The following PALLD variants were observed in gnomAD, a reference collection of about 807,000 sequenced individuals.
PALLD encodes palladin, cytoskeletal associated protein.
A neutral mutation model predicts 123.5 loss-of-function variants in PALLD; 61 were observed. The observed-to-expected ratio is 0.49, with a 90% confidence interval of 0.40 to 0.61. The LOEUF (loss-of-function observed/expected upper bound fraction) is 0.61. Ranked by LOEUF, PALLD falls within the 20% of genes least tolerant of loss-of-function variation. The pLI is 0.00. For synonymous variants in PALLD, 465 were observed against 496.4 expected (o/e 0.94, Z 0.84); for missense variants, 1,273 against 1,377.0 (o/e 0.92, Z 1.20).
intron 2 of PALLD, among the ~76,000 whole-genome samples, chr4:168,586,153 TAA>T (rs35474736): frequency 0.18 from 13,850 of 74,946 alleles, 669 homozygotes; most frequent in East Asian, 0.34. Context: ...TCAAGAGACC[TAA>T]AAAAAAAAAA....
intron 10 of PALLD, among the ~76,000 whole-genome samples, chr4:168,797,469 C>T (rs1017721601): frequency 1.3e-5 from 2 of 152,064 alleles, no homozygotes; most frequent in Non-Finnish European, 2.9e-5. Context: ...TCAGATCACC[C>T]TCAATTACAT....
chr4:168,652,463 T>A (rs189093661), intron 2 of PALLD, among the ~76,000 whole-genome samples: 16 of 152,346 alleles, frequency 1.1e-4, no homozygotes, highest in African/African-American at 3.4e-4. Flanking sequence ...AACACATTTT[T>A]ATTTTTTTAT....
At chr4:168,761,659 TTTTTTTTTTTTTTTTTTGTAGTTTTTTG>T (rs1732928316) in intron 10 of PALLD, among the ~76,000 whole-genome samples, 1 of 42,132 alleles carries the variant, frequency 2.4e-5, no homozygotes, top group Non-Finnish European at 5.6e-5. Flanking sequence ...TTTTTTTTTT[TTTTTTTTTTTTTTTTTTGTAGTTTTTTG>T]TTTTGGTAGA....
chr4:168,739,971 G>C (rs1007336852), intron 10 of PALLD, among the ~76,000 whole-genome samples: 1 of 152,132 alleles, frequency 6.6e-6, no homozygotes, highest in African/African-American at 2.4e-5. Context: ...GCTTAAAACA[G>C]CCCCTGGTTT....
chr4:168,923,896 T>G (rs1019635967), intron 18 of PALLD, among the ~76,000 whole-genome samples: 3 of 148,214 alleles, frequency 2.0e-5, no homozygotes, highest in Non-Finnish European at 3.0e-5. Context: ...TGGCAGTAGT[T>G]GGTTGAGGCT....
At chr4:168,598,205 T>C (rs1184238089) in intron 2 of PALLD, 3 of 353,662 alleles carry the variant, frequency 8.5e-6, no homozygotes, top group Non-Finnish European at 1.7e-5. Flanking sequence ...TTGTTAAATC[T>C]AGTCCATGCC....
chr4:168,628,612 A>G (rs1487152816), intron 2 of PALLD, among the ~76,000 whole-genome samples: 1 of 152,132 alleles, frequency 6.6e-6, no homozygotes, highest in African/African-American at 2.4e-5. Context: ...ACCATGATCA[A>G]GTCTTTGCTC....
intron 10 of PALLD, among the ~76,000 whole-genome samples, chr4:168,740,871 A>G (rs1581227181): frequency 6.6e-6 from 1 of 152,242 alleles, no homozygotes; most frequent in East Asian, 1.9e-4. Context: ...AAACGAGTCT[A>G]AGAAAATAGG....
chr4:168,886,114 A>G (rs1753296190), intron 10 of PALLD, among the ~76,000 whole-genome samples: 1 of 152,212 alleles, frequency 6.6e-6, no homozygotes, highest in Non-Finnish European at 1.5e-5. Flanking sequence ...AGCAAAAACT[A>G]TTAGTGTTGA....
intron 10 of PALLD, among the ~76,000 whole-genome samples, chr4:168,790,746 C>G (rs1435459947): frequency 6.6e-6 from 1 of 152,166 alleles, no homozygotes; most frequent in Admixed American, 6.6e-5. Context: ...GAGATACTAG[C>G]ATGCATACAC....
At chr4:168,626,275 T>G (rs541874028) in intron 2 of PALLD, among the ~76,000 whole-genome samples, 76 of 150,710 alleles carry the variant, frequency 5.0e-4, no homozygotes, top group African/African-American at 1.6e-3. Flanking sequence ...GGTGGTGGGC[T>G]CCTGTAGTCC....
At chr4:168,565,677 T>C (rs1481892647) in intron 2 of PALLD, among the ~76,000 whole-genome samples, 1 of 152,058 alleles carries the variant, frequency 6.6e-6, no homozygotes, top group East Asian at 1.9e-4. Flanking sequence ...AGAAGACCAC[T>C]CCTAGAAGCT....
At chr4:168,871,288 T>G (rs1751036703) in intron 10 of PALLD, among the ~76,000 whole-genome samples, 1 of 152,204 alleles carries the variant, frequency 6.6e-6, no homozygotes, top group South Asian at 2.1e-4. Context: ...CCTTAAAATA[T>G]GCCAAATTCG....
intron 15 of PALLD, among the ~76,000 whole-genome samples, chr4:168,912,567 C>T (rs1436427737): frequency 2.0e-5 from 3 of 152,132 alleles, no homozygotes; most frequent in South Asian, 2.1e-4. Flanking sequence ...CATATGACAG[C>T]GTTTATCAAA....
At chr4:168,850,341 A>G (rs1747557091) in intron 10 of PALLD, among the ~76,000 whole-genome samples, 1 of 151,928 alleles carries the variant, frequency 6.6e-6, no homozygotes, top group South Asian at 2.1e-4. Flanking sequence ...CTGACTCTAA[A>G]ATGGTTTGTT....
chr4:168,634,905 C>T (rs1036485808), intron 2 of PALLD, among the ~76,000 whole-genome samples: 1 of 151,918 alleles, frequency 6.6e-6, no homozygotes, highest in Middle Eastern at 3.2e-3. Flanking sequence ...GAGCTGTACT[C>T]CCTATTTATT....
intron 2 of PALLD, among the ~76,000 whole-genome samples, chr4:168,537,122 C>T (rs913237455): frequency 7.9e-5 from 12 of 152,248 alleles, no homozygotes; most frequent in South Asian, 4.1e-4. Flanking sequence ...CCGCGCCCAG[C>T]GGAAAAGATT....
chr4:168,836,244 T>C (rs554408684), intron 10 of PALLD, among the ~76,000 whole-genome samples: 2 of 152,306 alleles, frequency 1.3e-5, no homozygotes, highest in Admixed American at 6.5e-5. Context: ...CTGCCAAAGC[T>C]CTGCCACTAT....
rs1222233309 is a variant in PALLD at position 168,511,675 on chromosome 4, T to G, written c.171T>G (p.Asp57Glu). The G allele has an allele frequency of 2.2e-5, 35 of 1,614,014 alleles. No individual in the cohort carries two copies. Among genetic ancestry groups the G allele is most frequent in the Non-Finnish European group, 2.9e-5 (34 of 1,180,022 alleles). The change falls in exon 2 of 22, where the codon GAT (aspartate) becomes GAG (glutamate). Residue 57 changes from aspartate (D) to glutamate (E), a missense_variant. By Grantham distance (45) the Asp-to-Glu change is conservative. This residue lies in a region of PALLD where 944 missense variants were observed against 954.5 expected (regional missense o/e 0.99). Coordinates refer to ENST00000505667, the MANE Select transcript of PALLD (RefSeq NM_001166108.2). The part of the protein sequence containing the change: ...RRAIADSETE[D>E]FDSEKEISQI... Reference sequence around the variant, plus strand: ...CCATAGCCGACTCCGAAACAGAAGATTTTGACTCGGAAAAGGAGATCTCGC... The same window carrying G: ...CCATAGCCGACTCCGAAACAGAAGAGTTTGACTCGGAAAAGGAGATCTCGC...
Sources: allele counts gnomAD v4.1 joint callset (sites outside exome capture counted in the v4.1 genomes callset), GRCh38; gene constraint gnomAD v4.1.1; regional missense constraint gnomAD v4.1.1; transcripts MANE v1.5; gene names NCBI Gene and HGNC (gene_info 2026-07-23, HGNC 2026-07-21).